Variants in GULP1 observed in about 807,000 individuals in gnomAD.
GULP1 encodes the protein GULP PTB domain containing engulfment adaptor 1, also known as PTB domain-containing engulfment adapter protein 1.
GULP1 carries 19 observed loss-of-function variants against 40.9 expected under a neutral mutation model. That is an observed-to-expected ratio of 0.46 (90% CI 0.32 to 0.68). GULP1 has a LOEUF of 0.68. Among genes scored for constraint, GULP1 ranks in the 30% least tolerant of loss-of-function variants. The pLI is 0.03. For synonymous variants in GULP1, 119 were observed against 117.6 expected (o/e 1.01, Z -0.08); for missense variants, 312 against 362.2 (o/e 0.86, Z 1.12).
At position 188,522,802 on chromosome 2, in the gene GULP1, T is replaced by C; in HGVS notation, c.137T>C (p.Val46Ala). Residue 46 changes from valine (V) to alanine (A), a missense_variant, in exon 5 of 12, where the codon GTG becomes GCG. By Grantham distance (64) the Val-to-Ala change is moderately conservative. Transcript: ENST00000409830. Reference protein sequence around the residue: ...EVEQPKGTEVVRDAVRKLKFA... With the variant: ...EVEQPKGTEVARDAVRKLKFA... ...GAACAGCCAAAAGGAACAGAAGTTG[T>C]GAGAGATGCTGTAAGGAAACTAAAG... The C allele has an allele frequency of 6.2e-7, 1 of 1,609,924 alleles. No individual in the cohort carries two copies. Among genetic ancestry groups the C allele is most frequent in the Non-Finnish European group, 8.5e-7 (1 of 1,176,464 alleles).
chr2:188,477,365 T>A (rs2061098330), intron 2 of GULP1, among the ~76,000 whole-genome samples: 1 of 152,102 alleles, frequency 6.6e-6, no homozygotes, highest in South Asian at 2.1e-4. Context: ...AGTATTGATC[T>A]TTCTTCTCCT....
intron 2 of GULP1, among the ~76,000 whole-genome samples, chr2:188,400,483 A>G (rs189554924): frequency 1.8e-4 from 27 of 152,178 alleles, no homozygotes; most frequent in African/African-American, 6.3e-4. Flanking sequence ...AGAGGTGGAG[A>G]GGAGAGATGA....
At position 188,555,846 on chromosome 2, in the gene GULP1, G is replaced by A. The variant is rs139733786; in HGVS notation, c.400-13393G>A. ...AAGGCCAGGAAAGGTGGATAATGAGGTCAGGAGTTTGAGACCAGCCTGGCC... is the reference window on the plus strand; with the variant it reads ...AAGGCCAGGAAAGGTGGATAATGAGATCAGGAGTTTGAGACCAGCCTGGCC... On this transcript the variant is annotated intron_variant, in intron 7 of 11. Coordinates refer to ENST00000409830, the MANE Select transcript of GULP1 (RefSeq NM_016315.4). 3.3e-3 allele frequency among the ~76,000 whole-genome samples: 507 copies of A among 152,112 alleles called. 9 individuals carry two copies. The highest frequency in any genetic ancestry group is 0.031 in the Admixed American group (472 of 15,282).
At chr2:188,371,421 T>C (rs66923332) in intron 1 of GULP1, among the ~76,000 whole-genome samples, 26,628 of 152,006 alleles carry the variant, frequency 0.18, 2,402 homozygotes, top group East Asian at 0.25. Flanking sequence ...ACATGCAAAC[T>C]AGATGTGTTA....
At chr2:188,311,274 G>C (rs955963178) in intron 1 of GULP1, among the ~76,000 whole-genome samples, 1 of 151,958 alleles carries the variant, frequency 6.6e-6, no homozygotes, top group African/African-American at 2.4e-5. Flanking sequence ...TTGGCTCACT[G>C]CAAGCTCCAC....
At chr2:188,400,077 T>C (rs189473400) in intron 2 of GULP1, among the ~76,000 whole-genome samples, 87 of 152,262 alleles carry the variant, frequency 5.7e-4, no homozygotes, top group Admixed American at 4.6e-3. Flanking sequence ...TTATGGAGGA[T>C]AGAAGCTCAA....
intron 11 of GULP1, chr2:188,592,930 A>T (rs1703861894): frequency 6.6e-6 from 1 of 152,194 alleles, no homozygotes; most frequent in South Asian, 2.1e-4. Context: ...TGCTATCTGC[A>T]TATTATTTGC....
At chr2:188,467,705 T>C (rs998732278) in intron 2 of GULP1, among the ~76,000 whole-genome samples, 3 of 152,120 alleles carry the variant, frequency 2.0e-5, no homozygotes, top group African/African-American at 7.2e-5. Context: ...TTTTTCCTCA[T>C]TTACAAATAT....
intron 4 of GULP1, among the ~76,000 whole-genome samples, chr2:188,513,097 A>G (rs988519464): frequency 6.6e-6 from 1 of 152,100 alleles, no homozygotes; most frequent in Non-Finnish European, 1.5e-5. Context: ...GGGGTGGAGT[A>G]TTTATGTTGA....
intron 7 of GULP1, among the ~76,000 whole-genome samples, chr2:188,549,180 A>G (rs750446139): frequency 1.3e-5 from 2 of 151,910 alleles, no homozygotes; most frequent in African/African-American, 2.4e-5. Context: ...TTTTTATCAT[A>G]AAGTAAAATA....
intron 2 of GULP1, among the ~76,000 whole-genome samples, chr2:188,443,736 G>T (rs1331112303): frequency 6.7e-6 from 1 of 149,288 alleles, no homozygotes; most frequent in African/African-American, 2.5e-5. Context: ...GCCCAGGCTG[G>T]AGTGCAATGG....
intron 2 of GULP1, among the ~76,000 whole-genome samples, chr2:188,471,129 T>G (rs1036955339): frequency 7.2e-5 from 11 of 152,330 alleles, no homozygotes; most frequent in Middle Eastern, 3.4e-3. Context: ...CCTTTGGTAC[T>G]ATTTGCCTTG....
At chr2:188,547,233 T>G (rs1692200161) in intron 7 of GULP1, among the ~76,000 whole-genome samples, 1 of 150,430 alleles carries the variant, frequency 6.6e-6, no homozygotes, top group East Asian at 1.9e-4. Context: ...AAAACCAGAC[T>G]TAGACAATGA....
chr2:188,574,412 C>T (rs922816843), intron 9 of GULP1, among the ~76,000 whole-genome samples: 2 of 151,992 alleles, frequency 1.3e-5, no homozygotes, highest in Non-Finnish European at 2.9e-5. Context: ...TAGCTTGAGT[C>T]CAGGAGTTGG....
At chr2:188,549,281 T>TA (rs1486118793) in intron 7 of GULP1, among the ~76,000 whole-genome samples, 1 of 151,608 alleles carries the variant, frequency 6.6e-6, no homozygotes, top group Non-Finnish European at 1.5e-5. Flanking sequence ...AAATAACTAG[T>TA]AAAAAATCAT....
intron 4 of GULP1, among the ~76,000 whole-genome samples, chr2:188,503,526 C>T (rs2063626850): frequency 6.6e-6 from 1 of 151,888 alleles, no homozygotes; most frequent in Non-Finnish European, 1.5e-5. Flanking sequence ...CATCACCTCC[C>T]ACCAGATCCC....
At position 188,595,324 on chromosome 2, in the gene GULP1, A is replaced by T. The variant is rs1704268136; in HGVS notation, c.*1313A>T. 1 of 151,852 alleles carries T rather than the reference A, an allele frequency of 6.6e-6. No homozygotes were observed. Among genetic ancestry groups the T allele is most frequent in the Non-Finnish European group, 1.5e-5 (1 of 67,718 alleles). The allele number at this position is 151,852 out of a possible 1,614,324, so 9.4% of individuals were successfully genotyped here. Reference sequence around the variant, plus strand: ...GACTTAGAGTAGGGGTAGCCCTCAAAAATAGATTTATCATTTACTCATTGG... The same window carrying T: ...GACTTAGAGTAGGGGTAGCCCTCAATAATAGATTTATCATTTACTCATTGG... On this transcript the variant is annotated 3_prime_UTR_variant, in exon 12 of 12. Coordinates refer to ENST00000409830, the MANE Select transcript of GULP1 (RefSeq NM_016315.4).
chr2:188,298,484 A>C (rs2035470062), intron 1 of GULP1, among the ~76,000 whole-genome samples: 1 of 152,056 alleles, frequency 6.6e-6, no homozygotes, highest in African/African-American at 2.4e-5. Flanking sequence ...GAAATGGCAA[A>C]AGTCTATTGG....
At chr2:188,564,783 A>C (rs1475293897) in intron 7 of GULP1, among the ~76,000 whole-genome samples, 1 of 151,962 alleles carries the variant, frequency 6.6e-6, no homozygotes, top group Non-Finnish European at 1.5e-5. Flanking sequence ...GAAGACCAAA[A>C]TCTGGGCAAG....
Sources: gnomAD v4.1 joint callset for allele counts (sites outside exome capture counted in the v4.1 genomes callset) on GRCh38, gnomAD v4.1.1 for gene constraint, MANE v1.5 for transcripts, NCBI Gene and HGNC (gene_info 2026-07-23, HGNC 2026-07-21) for gene names.